The following LGR5 variants were observed in gnomAD, a reference collection of about 807,000 sequenced individuals.
LGR5 encodes leucine-rich repeat-containing G protein-coupled receptor 5.
In LGR5, 54 loss-of-function variants were observed where a neutral mutation model predicts 76.7. That is an observed-to-expected ratio of 0.70 (90% CI 0.57 to 0.88). LGR5 has a LOEUF of 0.88. Among genes scored for constraint, LGR5 ranks in the 40% least tolerant of loss-of-function variants. The pLI is 0.00. For synonymous variants in LGR5, 406 were observed against 421.9 expected, an observed-to-expected ratio of 0.96 and a Z score of 0.46; for missense variants, 1,078 against 1,073.3, an observed-to-expected ratio of 1.00 and a Z score of -0.06.
intron 13 of LGR5, among the ~76,000 whole-genome samples, chr12:71,574,953 A>C (rs1878783741): frequency 6.6e-6 from 1 of 152,178 alleles, no homozygotes; most frequent in Admixed American, 6.5e-5. Context: ...ATAAATTAAA[A>C]TTTCAGTAAA....
At chr12:71,488,001 T>A (rs1873909323) in intron 1 of LGR5, among the ~76,000 whole-genome samples, 1 of 152,202 alleles carries the variant, frequency 6.6e-6, no homozygotes. Context: ...GGTACCAAGC[T>A]TTTTTAGAAA....
intron 1 of LGR5, among the ~76,000 whole-genome samples, chr12:71,455,644 C>T (rs1872440298): frequency 6.6e-6 from 1 of 152,150 alleles, no homozygotes. Context: ...GATTTGTGCA[C>T]CTAGCAGCAA....
At chr12:71,572,954 C>T (rs373123135) in intron 13 of LGR5, 33 bp downstream of exon 13, 4 of 1,530,016 alleles carry the variant, frequency 2.6e-6, no homozygotes, top group Non-Finnish European at 3.6e-6. Flanking sequence ...TTCCCCAGCA[C>T]AGAGCATTTT....
intron 1 of LGR5, among the ~76,000 whole-genome samples, chr12:71,473,135 C>G (rs1000477270): frequency 1.3e-5 from 2 of 152,124 alleles, no homozygotes; most frequent in Non-Finnish European, 2.9e-5. Context: ...AAAGAGATTA[C>G]AATCTAGTCT....
intron 11 of LGR5, among the ~76,000 whole-genome samples, chr12:71,568,462 T>C (rs1878453044): frequency 6.6e-6 from 1 of 152,208 alleles, no homozygotes; most frequent in African/African-American, 2.4e-5. Context: ...TCAGTCAGTG[T>C]TAACTTTTAT....
rs139070533 is a variant in LGR5, at chr12:71,586,062, A to G, written c.*1328A>G. 1.6e-3 allele frequency: 247 copies of G among 152,312 alleles called. No individual in the cohort carries two copies. Among genetic ancestry groups the G allele is most frequent in the African/African-American group, 5.9e-3 (244 of 41,572 alleles). The allele number at this position is 152,312 out of a possible 1,614,324, so 9.4% of individuals were successfully genotyped here. ...AAAATACATTTATGAGATGTTTTAT[A>G]AGATGTGTAAATATAGAACTGTATT... On this transcript the variant is annotated 3_prime_UTR_variant, in exon 18 of 18. Coordinates refer to ENST00000266674, the MANE Select transcript of LGR5 (RefSeq NM_003667.4).
At chr12:71,582,620 T>C in intron 17 of LGR5, 81 bp downstream of exon 17, 1 of 1,083,826 alleles carries the variant, frequency 9.2e-7, no homozygotes, top group Non-Finnish European at 1.4e-6. Flanking sequence ...AGCTATACTT[T>C]AAAAGCCGAA....
Position 71,440,153 on chromosome 12 carries a change from C to G in LGR5, c.73C>G (p.Pro25Ala). Residue 25 changes from proline to alanine, a missense_variant, in exon 1 of 18, where the codon CCC becomes GCC. Pro to Ala is a conservative substitution (Grantham distance 27). Coordinates refer to ENST00000266674, the MANE Select transcript of LGR5 (RefSeq NM_003667.4). This position sits in a 1 kb window ranked among gnomAD's most constrained non-coding sequence, Gnocchi z 5.3. ...LLQLATGGSS[P>A]RSGVLLRGCP... ...GCAGCTGGCGACCGGGGGCAGCTCT[C>G]CCAGGTCTGGTGTGTTGCTGAGGGG... 7.4e-6 allele frequency: 12 copies of G among 1,611,002 alleles called. No individual in the cohort carries two copies. The highest frequency in any genetic ancestry group is 9.3e-6 in the Non-Finnish European group (11 of 1,179,790).
intron 1 of LGR5, among the ~76,000 whole-genome samples, chr12:71,477,323 G>C (rs558608816): frequency 2.0e-5 from 3 of 152,092 alleles, no homozygotes; most frequent in South Asian, 4.2e-4. Flanking sequence ...GCAAATGGAT[G>C]CCTCTGGGAA....
At chr12:71,468,709 C>CTTTTTTTTT (rs538254378) in intron 1 of LGR5, among the ~76,000 whole-genome samples, 1 of 70,058 alleles carries the variant, frequency 1.4e-5, no homozygotes, top group Non-Finnish European at 2.8e-5. Context: ...GTGGTAGCCT[C>CTTTTTTTTT]TTTTTTTTTT....
intron 4 of LGR5, among the ~76,000 whole-genome samples, chr12:71,543,940 C>T (rs757039350): frequency 1.4e-4 from 21 of 152,108 alleles, no homozygotes; most frequent in African/African-American, 4.1e-4. Context: ...AAAGGGTCTT[C>T]GTTTTCTATG....
chr12:71,478,706 A>G (rs1355637819), intron 1 of LGR5, among the ~76,000 whole-genome samples: 1 of 152,222 alleles, frequency 6.6e-6, no homozygotes, highest in East Asian at 1.9e-4. Context: ...GTTTAAAGAA[A>G]GGGAATGTTT....
intron 8 of LGR5, among the ~76,000 whole-genome samples, chr12:71,565,040 T>C (rs1878273661): frequency 6.6e-6 from 1 of 151,692 alleles, no homozygotes; most frequent in Admixed American, 6.6e-5. Flanking sequence ...GTACATGGTA[T>C]AGCTAAGAGC....
rs112924929 is a variant in LGR5 at position 71,567,865 on chromosome 12, C to T, written c.1070+953C>T. ...CTTTCTTTGCCCTACCCCATCCCAC[C>T]CCATGAAGTGCAGCTACAGATAAGA... On this transcript the variant is annotated intron_variant, in intron 11 of 17. Coordinates refer to ENST00000266674, the MANE Select transcript of LGR5 (RefSeq NM_003667.4). Among the ~76,000 whole-genome samples, 1,173 of 152,144 alleles carry T rather than the reference C, an allele frequency of 7.7e-3. 9 individuals carry two copies. Among genetic ancestry groups the T allele is most frequent in the African/African-American group, 0.021 (888 of 41,496 alleles).
At chr12:71,556,766 G>A in intron 6 of LGR5, 76 bp downstream of exon 6, 1 of 1,167,674 alleles carries the variant, frequency 8.6e-7, no homozygotes, top group Non-Finnish European at 1.3e-6. Flanking sequence ...TAGCCTTAAA[G>A]CCAGACTTTG....
chr12:71,569,018 A>G (rs1878478023), intron 11 of LGR5, among the ~76,000 whole-genome samples: 1 of 152,222 alleles, frequency 6.6e-6, no homozygotes, highest in Admixed American at 6.5e-5. Flanking sequence ...AAGTAAAGCT[A>G]TAAACATGGT....
chr12:71,526,231 T>G (rs1565721062), intron 3 of LGR5, among the ~76,000 whole-genome samples: 1 of 152,156 alleles, frequency 6.6e-6, no homozygotes, highest in Non-Finnish European at 1.5e-5. Context: ...CTATTGTGTA[T>G]TAAACAAAAA....
At chr12:71,565,084 A>C (rs948789181) in intron 8 of LGR5, among the ~76,000 whole-genome samples, 26 of 151,854 alleles carry the variant, frequency 1.7e-4, no homozygotes, top group Admixed American at 9.2e-4. Flanking sequence ...TCCATTTTTC[A>C]TCATAAGGCC....
In LGR5 at chr12:71,504,645, C is replaced by T; in HGVS notation, c.244C>T (p.Leu82Phe). ...CAGTATGAACAACATCAGTCAGCTG[C>T]TCCCGAATCCCCTGCCCAGTCTCCG... ...DLSMNNISQL[L>F]PNPLPSLRFL... is the part of the protein sequence containing the mutation. Residue 82 changes from leucine to phenylalanine, a missense_variant, in exon 2 of 18, where the codon CTC becomes TTC. Transcript: ENST00000266674. The T allele has an allele frequency of 6.2e-7, 1 of 1,614,110 alleles. No individual in the cohort carries two copies. The highest frequency in any genetic ancestry group is 1.1e-5 in the South Asian group (1 of 91,080).
Sources: gnomAD v4.1 joint callset for allele counts (sites outside exome capture counted in the v4.1 genomes callset) on GRCh38, gnomAD v4.1.1 for gene constraint, Gnocchi (gnomAD v3.1) non-coding constraint, MANE v1.5 for transcripts, NCBI Gene and HGNC (gene_info 2026-07-23, HGNC 2026-07-21) for gene names.